Variants in SORL1 observed in about 807,000 individuals in gnomAD.
SORL1 encodes sortilin-related receptor.
SORL1 carries 127 observed loss-of-function variants against 273.7 expected under a neutral mutation model. The observed-to-expected ratio is 0.46, with a 90% CI of 0.40 to 0.54. The LOEUF (loss-of-function observed/expected upper bound fraction) is 0.54. Among genes scored for constraint, SORL1 ranks in the 20% least tolerant of loss-of-function variants. SORL1 has a pLI of 0.00. For missense variants in SORL1, 2,494 were observed against 2,846.1 expected, an observed-to-expected ratio of 0.88 and a Z score of 2.81; for synonymous variants, 1,031 against 1,067.4, an observed-to-expected ratio of 0.97 and a Z score of 0.66.
At chr11:121,483,292 C>T (rs774006872) in intron 3 of SORL1, among the ~76,000 whole-genome samples, 19 of 152,198 alleles carry the variant, frequency 1.2e-4, no homozygotes, top group Non-Finnish European at 1.8e-4. Flanking sequence ...TTAGGCCTCA[C>T]AGCCTCAGCC....
chr11:121,579,388 G>T (rs1280889799), intron 25 of SORL1, among the ~76,000 whole-genome samples: 2 of 152,208 alleles, frequency 1.3e-5, no homozygotes, highest in Admixed American at 6.5e-5. Context: ...AAAGAAATAG[G>T]TCAAGGTAGC....
intron 5 of SORL1, among the ~76,000 whole-genome samples, chr11:121,493,576 G>A (rs149806160): frequency 2.6e-5 from 4 of 152,084 alleles, no homozygotes; most frequent in Non-Finnish European, 5.9e-5. Flanking sequence ...TTTTCTATTT[G>A]ATTATTAGTC....
intron 14 of SORL1, among the ~76,000 whole-genome samples, chr11:121,548,611 T>C (rs904095526): frequency 6.6e-6 from 1 of 152,180 alleles, no homozygotes; most frequent in Non-Finnish European, 1.5e-5. Flanking sequence ...CTGTCACCCA[T>C]GCTGGAGTGC....
chr11:121,482,368 T>G (rs74685827), intron 3 of SORL1, among the ~76,000 whole-genome samples: 2,393 of 152,274 alleles, frequency 0.016, 49 homozygotes, highest in East Asian at 0.1. Flanking sequence ...GTGGATATTC[T>G]TTGGAGTTGG....
At chr11:121,553,599 A>G (rs1197841258) in intron 16 of SORL1, among the ~76,000 whole-genome samples, 1 of 152,198 alleles carries the variant, frequency 6.6e-6, no homozygotes, top group Non-Finnish European at 1.5e-5. Flanking sequence ...GATTGGTGTA[A>G]TTAGGTTGGC....
In SORL1 at chr11:121,548,755, C is replaced by T. The variant is rs112516428; in HGVS notation, c.2052-1205C>T. 7.2e-5 allele frequency among the ~76,000 whole-genome samples: 11 copies of T among 152,014 alleles called. No homozygotes were observed. The South Asian group carries it at 1.0e-3, about 14-fold the overall frequency. ...CTGATTTTTGTATTTTTAGTAGAGA[C>T]GGGGTTTTGCCATGTTGCCCAGGCT... On this transcript the variant is annotated intron_variant, in intron 14 of 47. Coordinates refer to ENST00000260197, the MANE Select transcript of SORL1 (RefSeq NM_003105.6).
chr11:121,576,144 A>G (rs1774849544), intron 24 of SORL1, among the ~76,000 whole-genome samples: 1 of 152,208 alleles, frequency 6.6e-6, no homozygotes, highest in East Asian at 1.9e-4. Flanking sequence ...GCCACAGTCT[A>G]TTTGGGCTGT....
At position 121,567,100 on chromosome 11, in the gene SORL1, C is replaced by G. The variant is rs1862765557; in HGVS notation, c.3210C>G (p.Thr1070=). ...CPQGYQLKNN[T]CVKQENTCLR... is the part of the protein sequence containing the mutation. ...AGGGCTATCAGCTCAAGAACAATAC[C>G]TGTGTCAAACAAGGTACTTCCCTTT... Residue 1070 remains threonine, a synonymous_variant, in exon 22 of 48, where the codon ACC becomes ACG. Coordinates refer to ENST00000260197, the MANE Select transcript of SORL1 (RefSeq NM_003105.6). The G allele has an allele frequency of 6.2e-7, 1 of 1,612,490 alleles. No individual in the cohort carries two copies. The highest frequency in any genetic ancestry group is 1.3e-5 in the African/African-American group (1 of 74,982).
At position 121,618,821 on chromosome 11, in the gene SORL1, C is replaced by G; in HGVS notation, c.5652C>G (p.Asn1884Lys). 1 of 1,614,076 alleles carries G rather than the reference C, an allele frequency of 6.2e-7. No homozygotes were observed. Among genetic ancestry groups the G allele is most frequent in the Non-Finnish European group, 8.5e-7 (1 of 1,179,932 alleles). Residue 1884 changes from asparagine to lysine, a missense_variant, in exon 42 of 48, where the codon AAC (asparagine) becomes AAG (lysine). Transcript: ENST00000260197. The part of the protein sequence containing the change: ...YATSFLDLYR[N>K]PKSLTTSLHN... The stretch of plus-strand genomic sequence containing the variant: ...CGTCCTTTCTTGACCTCTATCGCAA[C>G]CCGAAGAGCTTGACTACTTCACTCC...
chr11:121,496,316 T>C (rs1348935818), intron 5 of SORL1, among the ~76,000 whole-genome samples: 1 of 152,114 alleles, frequency 6.6e-6, no homozygotes, highest in African/African-American at 2.4e-5. Flanking sequence ...AGAAAGAGTT[T>C]GTGGAAGAGC....
intron 3 of SORL1, among the ~76,000 whole-genome samples, chr11:121,482,394 C>A (rs1861405371): frequency 6.6e-6 from 1 of 152,088 alleles, no homozygotes; most frequent in Admixed American, 6.6e-5. Context: ...TTGGAGAAGT[C>A]AGGAGAAAAA....
At chr11:121,500,385 A>G (rs1861693141) in intron 6 of SORL1, among the ~76,000 whole-genome samples, 1 of 152,188 alleles carries the variant, frequency 6.6e-6, no homozygotes, top group Non-Finnish European at 1.5e-5. Flanking sequence ...CTCTTCTGTG[A>G]CCTTACAGAT....
intron 12 of SORL1, among the ~76,000 whole-genome samples, chr11:121,540,797 T>A (rs1405487777): frequency 6.6e-6 from 1 of 152,226 alleles, no homozygotes; most frequent in African/African-American, 2.4e-5. Context: ...CTCTGGGAAC[T>A]CTCAAGAAAT....
intron 21 of SORL1, among the ~76,000 whole-genome samples, chr11:121,562,079 T>C (rs74843461): frequency 0.052 from 7,886 of 152,136 alleles, 302 homozygotes; most frequent in Non-Finnish European, 0.07. Context: ...TTTTGGACAT[T>C]GTATTACAGA....
intron 1 of SORL1, among the ~76,000 whole-genome samples, chr11:121,465,446 C>T (rs1306816608): frequency 6.6e-6 from 1 of 152,182 alleles, no homozygotes; most frequent in African/African-American, 2.4e-5. Flanking sequence ...TTAGTTCCAA[C>T]TCCTGCCAGG....
chr11:121,530,965 C>A (rs1325874939), intron 11 of SORL1, among the ~76,000 whole-genome samples: 1 of 152,180 alleles, frequency 6.6e-6, no homozygotes, highest in Non-Finnish European at 1.5e-5. Flanking sequence ...TTATTTCGGA[C>A]ATTATATTTT....
intron 45 of SORL1, among the ~76,000 whole-genome samples, chr11:121,624,796 T>C (rs908445619): frequency 3.3e-5 from 5 of 152,198 alleles, no homozygotes; most frequent in African/African-American, 9.7e-5. Flanking sequence ...AATCTCTGAG[T>C]GTGGCTTTGG....
chr11:121,452,440 G>A lies in SORL1; in HGVS notation c.109G>A (p.Gly37Ser). 4 of 1,500,466 alleles carry A rather than the reference G, an allele frequency of 2.7e-6. No individual in the cohort carries two copies. Among genetic ancestry groups the A allele is most frequent in the East Asian group, 2.8e-5 (1 of 35,880 alleles). The allele number at this position is 1,500,466 out of a possible 1,614,324, so 92.9% of individuals were successfully genotyped here. A position where few individuals can be genotyped will look rare whatever the true frequency, so the allele number is the denominator to read the frequency against. ...LCEVWTQRLH[G>S]GSAPLPQDRG... ...CGAAGTCTGGACGCAGAGGCTGCAC[G>A]GCGGCAGCGCGCCCTTGCCCCAGGA... The change falls in exon 1 of 48, where the codon GGC (glycine) becomes AGC (serine). Residue 37 changes from glycine to serine, a missense_variant. By Grantham distance (56) the Gly-to-Ser change is moderately conservative. Coordinates refer to ENST00000260197, the MANE Select transcript of SORL1 (RefSeq NM_003105.6). This position sits in a 1 kb window ranked among gnomAD's most constrained non-coding sequence, Gnocchi z 5.3.
intron 3 of SORL1, among the ~76,000 whole-genome samples, chr11:121,480,676 T>G (rs1014731106): frequency 2.7e-5 from 4 of 148,638 alleles, no homozygotes; most frequent in African/African-American, 1.0e-4. Flanking sequence ...TCTCCCCTAG[T>G]GCACAGATAC....
Sources: allele counts gnomAD v4.1 joint callset (sites outside exome capture counted in the v4.1 genomes callset), GRCh38; gene constraint gnomAD v4.1.1; non-coding constraint Gnocchi (gnomAD v3.1); transcripts MANE v1.5; gene names NCBI Gene and HGNC (gene_info 2026-07-23, HGNC 2026-07-21).